TLCD2: variants seen among roughly 807,000 people sequenced by gnomAD.
TLCD2 encodes TLC domain containing 2, also known as TLC domain-containing protein 2.
TLCD2 carries 12 observed loss-of-function variants against 14.0 expected under a neutral mutation model. The observed-to-expected ratio is 0.86, with a 90% CI of 0.55 to 1.39. TLCD2 has a LOEUF of 1.39. Ranked by LOEUF, TLCD2 falls within the 40% of genes most tolerant of loss-of-function variation. TLCD2 has a pLI of 0.00. For missense variants in TLCD2, 360 were observed against 346.8 expected (o/e 1.04, Z -0.30); for synonymous variants, 166 against 156.5 (o/e 1.06, Z -0.45).
intron 3 of TLCD2, among the ~76,000 whole-genome samples, 151 bp from the exon 4 acceptor site, chr17:1,708,373 G>A (rs1359181831): frequency 6.6e-6 from 1 of 151,770 alleles, no homozygotes; most frequent in Admixed American, 6.6e-5. Flanking sequence ...CTGGGGCCCT[G>A]AGCAGCCTTG....
chr17:1,708,535 G>A (rs1914115028), intron 3 of TLCD2, among the ~76,000 whole-genome samples: 1 of 143,574 alleles, frequency 7.0e-6, no homozygotes, highest in South Asian at 2.2e-4. Flanking sequence ...CCACCAGGCT[G>A]GAGTGCAGTG....
chr17:1,708,475 CTTGCTTTTTTT>C (rs776149870), intron 3 of TLCD2, among the ~76,000 whole-genome samples: 1 of 114,814 alleles, frequency 8.7e-6, no homozygotes, highest in East Asian at 2.4e-4. Flanking sequence ...CCTGGGCTTG[CTTGCTTTTTTT>C]TTTTTTTTTT....
In TLCD2 at chr17:1,709,367, G is replaced by A. The variant is rs552576433; in HGVS notation, c.342+132C>T. 7.6e-5 allele frequency: 55 copies of A among 726,584 alleles called. No individual in the cohort carries two copies. The South Asian group carries it at 9.9e-4, about 13-fold the overall frequency. 45.0% of individuals were successfully genotyped at this position (726,584 alleles called of 1,614,324 possible). A position where few individuals can be genotyped will look rare whatever the true frequency, so the allele number is the denominator to read the frequency against. On this transcript the variant is annotated intron_variant, in intron 3 of 3. Coordinates refer to ENST00000330676, the MANE Select transcript of TLCD2 (RefSeq NM_001164407.2). ...GCCGAACCACTGGACCCCAGCCTGG[G>A]TGACAGAGTGAGACTCCGTCTCAAA...
intron 3 of TLCD2, 106 bp from the exon 4 acceptor site, chr17:1,708,328 C>T: frequency 1.2e-6 from 1 of 833,656 alleles, no homozygotes; most frequent in African/African-American, 1.7e-5. Context: ...TGTGGGGCTC[C>T]CCAAACACCT....
chr17:1,708,448 C>A (rs923528162), intron 3 of TLCD2, among the ~76,000 whole-genome samples: 1 of 149,706 alleles, frequency 6.7e-6, no homozygotes, highest in Non-Finnish European at 1.5e-5. Flanking sequence ...CCCCTAATAC[C>A]CCCTTAACCT....
In TLCD2 at chr17:1,710,086, C is replaced by A. The variant is rs1914176334; in HGVS notation, c.157G>T (p.Gly53Trp). The change falls in exon 1 of 4, where the codon GGG (glycine) becomes TGG (tryptophan). Residue 53 changes from glycine (G) to tryptophan (W), a missense_variant. Coordinates refer to ENST00000330676, the MANE Select transcript of TLCD2 (RefSeq NM_001164407.2). The surrounding 1 kb of genome is among the most constrained non-coding windows in gnomAD (Gnocchi z 6.1). ...CVSLAHSLLS[G>W]TGALLGLSLY... ...CCGCACCCGAGCAGCGCCCCGGTCC[C>A]CGAGAGCAGGCTGTGCGCCAGGGAG... 2 of 1,533,190 alleles carry A rather than the reference C, an allele frequency of 1.3e-6. No individual in the cohort carries two copies. The highest frequency in any genetic ancestry group is 1.7e-6 in the Non-Finnish European group (2 of 1,146,348). 95.0% of individuals were successfully genotyped at this position (1,533,190 alleles called of 1,614,324 possible).
chr17:1,708,325 C>T (rs2151145208), intron 3 of TLCD2, 103 bp from the exon 4 acceptor site: 2 of 872,448 alleles, frequency 2.3e-6, no homozygotes, highest in Non-Finnish European at 1.7e-6. Context: ...GTCTGTGGGG[C>T]TCCCCAAACA....
Position 1,704,888 on chromosome 17 carries a change from G to GTTTTT in TLCD2, c.*2881_*2882insAAAAA, listed in dbSNP as rs1555558424. 2 of 132,902 alleles carry GTTTTT rather than the reference G, an allele frequency of 1.5e-5. No individual in the cohort carries two copies. The highest frequency in any genetic ancestry group is 2.7e-4 in the East Asian group (1 of 3,762). The allele number at this position is 132,902 out of a possible 1,614,324, so 8.2% of individuals were successfully genotyped here. ...GCCCGGCCAATTTTTTGTATTTTTA[G>GTTTTT]TAGAGATGGTGTTTCACCATGTTAG... On this transcript the variant is annotated 3_prime_UTR_variant, in exon 4 of 4. Coordinates refer to ENST00000330676, the MANE Select transcript of TLCD2 (RefSeq NM_001164407.2).
At position 1,704,008 on chromosome 17, in the gene TLCD2, TG is replaced by T. The variant is rs1455543687; in HGVS notation, c.*3761del. Reference sequence around the variant, plus strand: ...GGGAGCCCAAGGTGGGCGGATCACCTGAGGTCAGGAGTTTGAGACCAGCCTG... The same window carrying T: ...GGGAGCCCAAGGTGGGCGGATCACCTAGGTCAGGAGTTTGAGACCAGCCTG... On this transcript the variant is annotated 3_prime_UTR_variant, in exon 4 of 4. Transcript: ENST00000330676. The T allele has an allele frequency of 6.6e-6, 1 of 151,812 alleles. No individual in the cohort carries two copies. Among genetic ancestry groups the T allele is most frequent in the Non-Finnish European group, 1.5e-5 (1 of 67,968 alleles). 9.4% of individuals were successfully genotyped at this position (151,812 alleles called of 1,614,324 possible).
chr17:1,708,719 G>A (rs879437383), intron 3 of TLCD2, among the ~76,000 whole-genome samples: 19 of 152,110 alleles, frequency 1.2e-4, no homozygotes, highest in Non-Finnish European at 2.6e-4. Context: ...TCCTGACCTC[G>A]TGATCCACCC....
rs1482174852 is a variant in TLCD2 at position 1,709,999 on chromosome 17, G to A, written c.176+68C>T. ...AGTCTCAGCTCTGGAGACGCCCGGC[G>A]GGTCTCCCGGCCTCAGCCTCCCACC... On this transcript the variant is annotated intron_variant, in intron 1 of 3. Transcript: ENST00000330676. 5 of 1,514,758 alleles carry A rather than the reference G, an allele frequency of 3.3e-6. No individual in the cohort carries two copies. In the South Asian group the frequency reaches 3.7e-5, roughly 11 times the overall value. 93.8% of individuals were successfully genotyped at this position (1,514,758 alleles called of 1,614,324 possible). A position where few individuals can be genotyped will look rare whatever the true frequency, so the allele number is the denominator to read the frequency against.
At chr17:1,709,119 T>C (rs968914230) in intron 3 of TLCD2, among the ~76,000 whole-genome samples, 1 of 151,982 alleles carries the variant, frequency 6.6e-6, no homozygotes, top group Non-Finnish European at 1.5e-5. Context: ...CCGGGGGCGG[T>C]GGCTCATGCT....
rs1913945405 is a variant in TLCD2, at chr17:1,703,753, A to T, written c.*4017T>A. 6.6e-6 allele frequency: 1 copy of T among 152,218 alleles called. No individual in the cohort carries two copies. Among genetic ancestry groups the T allele is most frequent in the South Asian group, 2.1e-4 (1 of 4,838 alleles). The allele number at this position is 152,218 out of a possible 1,614,324, so 9.4% of individuals were successfully genotyped here. A position where few individuals can be genotyped will look rare whatever the true frequency, so the allele number is the denominator to read the frequency against. ...ATACCAGTGGCCAAAGAAAAGGTGT[A>T]TGACTTAGAATCAATTCATATCAAC... On this transcript the variant is annotated 3_prime_UTR_variant, in exon 4 of 4. Transcript: ENST00000330676.
rs1429647464 is a variant in TLCD2, at chr17:1,707,364, C to T, written c.*406G>A. On this transcript the variant is annotated 3_prime_UTR_variant, in exon 4 of 4. Coordinates refer to ENST00000330676, the MANE Select transcript of TLCD2 (RefSeq NM_001164407.2). ...GTGAGATCTCTTTTCTCTCTGTCCC[C>T]ACCCGCCCCATACCAGATCTCTCTG... 1 of 187,512 alleles carries T rather than the reference C, an allele frequency of 5.3e-6. No individual in the cohort carries two copies. Among genetic ancestry groups the T allele is most frequent in the Non-Finnish European group, 1.1e-5 (1 of 91,432 alleles). The allele number at this position is 187,512 out of a possible 1,614,324, so 11.6% of individuals were successfully genotyped here. A position where few individuals can be genotyped will look rare whatever the true frequency, so the allele number is the denominator to read the frequency against.
chr17:1,707,939 G>C lies in TLCD2; in HGVS notation c.626C>G (p.Thr209Ser). The C allele has an allele frequency of 6.5e-7, 1 of 1,537,310 alleles. No homozygotes were observed. Among genetic ancestry groups the C allele is most frequent in the South Asian group, 1.2e-5 (1 of 84,062 alleles). ...CAATATGATGCTCATGATGCCCACA[G>C]TGACCAGCCCAATTCCACCCAGGGT... The part of the protein sequence containing the change: ...LVTLGGIGLV[T>S]VGIMSIILGI... Residue 209 changes from threonine to serine, a missense_variant, in exon 4 of 4, where the codon ACT (threonine) becomes AGT (serine). Thr to Ser is a moderately conservative substitution (Grantham distance 58, BLOSUM62 1). Coordinates refer to ENST00000330676, the MANE Select transcript of TLCD2 (RefSeq NM_001164407.2).
Position 1,707,994 on chromosome 17 carries a change from G to C in TLCD2, c.571C>G (p.Gln191Glu). The change falls in exon 4 of 4, where the codon CAG (glutamine) becomes GAG (glutamate). Residue 191 changes from glutamine (Q) to glutamate (E), a missense_variant. Physicochemically the swap from Gln to Glu is conservative, Grantham distance 29 (BLOSUM62 2). Coordinates refer to ENST00000330676, the MANE Select transcript of TLCD2 (RefSeq NM_001164407.2). ...LGWMSLWLFR[Q>E]HHQVPLALVT... ...AGAGCAAGAGGAACCTGGTGGTGCT[G>C]CCGGAACAGCCACAGACTCATCCAC... 6.5e-7 allele frequency: 1 copy of C among 1,537,262 alleles called. No individual in the cohort carries two copies. The highest frequency in any genetic ancestry group is 8.7e-7 in the Non-Finnish European group (1 of 1,146,920).
At position 1,710,169 on chromosome 17, in the gene TLCD2, C is replaced by T; in HGVS notation, c.74G>A (p.Arg25Gln). ...AGCGGCCGATTCCGGCGTGGGCAGCCGCCGCAACCCCCAGTGCAGCCCCCG... is the reference window on the plus strand; with the variant it reads ...AGCGGCCGATTCCGGCGTGGGCAGCTGCCGCAACCCCCAGTGCAGCCCCCG... ...AFRGLHWGLR[R>Q]LPTPESAARD... is the part of the protein sequence containing the mutation. The change falls in exon 1 of 4, where the codon CGG becomes CAG. Residue 25 changes from arginine to glutamine, a missense_variant. Physicochemically the swap from Arg to Gln is conservative, Grantham distance 43. Coordinates refer to ENST00000330676, the MANE Select transcript of TLCD2 (RefSeq NM_001164407.2). This position sits in a 1 kb window ranked among gnomAD's most constrained non-coding sequence, Gnocchi z 6.1. 6.5e-7 allele frequency: 1 copy of T among 1,533,082 alleles called. No individual in the cohort carries two copies. Among genetic ancestry groups the T allele is most frequent in the Non-Finnish European group, 8.7e-7 (1 of 1,146,192 alleles). 95.0% of individuals were successfully genotyped at this position (1,533,082 alleles called of 1,614,324 possible).
rs1283740647 is a variant in TLCD2, at chr17:1,705,805, T to TCTC, written c.*1962_*1964dup. On this transcript the variant is annotated 3_prime_UTR_variant, in exon 4 of 4. Transcript: ENST00000330676. Reference sequence around the variant, plus strand: ...TTTCTGTGGATGGCTAAGGGTTGCCTCTCTCAGTCCATTGTTTAGTGGAAC... The same window carrying TCTC: ...TTTCTGTGGATGGCTAAGGGTTGCCTCTCCTCTCAGTCCATTGTTTAGTGGAAC... 3.9e-5 allele frequency: 6 copies of TCTC among 152,164 alleles called. No individual in the cohort carries two copies. The highest frequency in any genetic ancestry group is 3.3e-4 in the Admixed American group (5 of 15,266). The allele number at this position is 152,164 out of a possible 1,614,324, so 9.4% of individuals were successfully genotyped here.
rs1913981066 is a variant in TLCD2, at chr17:1,704,815, C to T, written c.*2955G>A. On this transcript the variant is annotated 3_prime_UTR_variant, in exon 4 of 4. Transcript: ENST00000330676. ...CGGCCTCCCAGGTTCAAACGATTCT[C>T]CTGCCTCAGCCTCCTCAGTAGCCGG... 6.6e-6 allele frequency: 1 copy of T among 151,704 alleles called. No individual in the cohort carries two copies. Among genetic ancestry groups the T allele is most frequent in the South Asian group, 2.1e-4 (1 of 4,786 alleles). 9.4% of individuals were successfully genotyped at this position (151,704 alleles called of 1,614,324 possible).
Sources: allele counts gnomAD v4.1 joint callset (sites outside exome capture counted in the v4.1 genomes callset), GRCh38; gene constraint gnomAD v4.1.1; non-coding constraint Gnocchi (gnomAD v3.1); transcripts MANE v1.5; gene names NCBI Gene and HGNC (gene_info 2026-07-23, HGNC 2026-07-21).